The following RREB1 variants were observed in gnomAD, a reference collection of about 807,000 sequenced individuals.
The protein encoded by RREB1 is ras-responsive element-binding protein 1.
A neutral mutation model predicts 117.8 loss-of-function variants in RREB1; 27 were observed. That is an observed-to-expected ratio of 0.23 (90% CI 0.17 to 0.32). The LOEUF (loss-of-function observed/expected upper bound fraction) is 0.32. Among genes scored for constraint, RREB1 ranks in the 10% least tolerant of loss-of-function variants. RREB1 has a pLI of 1.00. For missense variants in RREB1, 2,577 were observed against 2,378.2 expected (o/e 1.08, Z -1.74); for synonymous variants, 1,298 against 1,026.7 (o/e 1.26, Z -5.05).
intron 1 of RREB1, among the ~76,000 whole-genome samples, chr6:7,143,939 C>T (rs1215158417): frequency 4.3e-5 from 6 of 141,132 alleles, no homozygotes; most frequent in Non-Finnish European, 6.1e-5. Flanking sequence ...ACCCAACTTA[C>T]ATTTTTTCAA....
At position 7,230,947 on chromosome 6, in the gene RREB1, T is replaced by G. The variant is rs1246253246; in HGVS notation, c.2848T>G (p.Leu950Val). 1.9e-6 allele frequency: 3 copies of G among 1,614,038 alleles called. No individual in the cohort carries two copies. The highest frequency in any genetic ancestry group is 2.5e-6 in the Non-Finnish European group (3 of 1,179,932). Residue 950 changes from leucine (L) to valine (V), a missense_variant, in exon 10 of 13, where the codon TTG becomes GTG. By Grantham distance (32) the Leu-to-Val change is conservative. Coordinates refer to ENST00000379938, the MANE Select transcript of RREB1 (RefSeq NM_001003699.4). ...GAACTTCAGGAAAGGGGACAAGGAT[T>G]TGGCCACTCCCAGCGAAGCCAAGAA... ...PKNFRKGDKD[L>V]ATPSEAKKPE...
chr6:7,129,967 G>T (rs1269707646), intron 1 of RREB1, among the ~76,000 whole-genome samples: 1 of 152,196 alleles, frequency 6.6e-6, no homozygotes, highest in Admixed American at 6.5e-5. Context: ...GGAGCTACGG[G>T]TCAGTCAGCA....
rs181502332 is a variant in RREB1 at position 7,248,680 on chromosome 6, C to T, written c.4941C>T (p.Ser1647=). The change falls in exon 13 of 13, where the codon AGC becomes AGT. Residue 1647 remains serine, a synonymous_variant. Transcript: ENST00000379938. ...EEDSENESTH[S]GNNAVSENEA... ...ACAGCGAGAATGAGTCCACCCACAGCGGCAACAACGCCGTCTCAGAGAACG... is the reference window on the plus strand; with the variant it reads ...ACAGCGAGAATGAGTCCACCCACAGTGGCAACAACGCCGTCTCAGAGAACG... The T allele has an allele frequency of 1.4e-5, 22 of 1,614,124 alleles. No homozygotes were observed. The highest frequency in any genetic ancestry group is 6.7e-5 in the East Asian group (3 of 44,874).
At chr6:7,170,413 AG>A (rs1316051134) in intron 1 of RREB1, among the ~76,000 whole-genome samples, 1 of 152,052 alleles carries the variant, frequency 6.6e-6, no homozygotes, top group Admixed American at 6.5e-5. Flanking sequence ...AGCAGCAGAG[AG>A]GTGAGGGAGG....
At chr6:7,174,618 T>C (rs1391915335) in intron 1 of RREB1, among the ~76,000 whole-genome samples, 1 of 152,216 alleles carries the variant, frequency 6.6e-6, no homozygotes, top group Non-Finnish European at 1.5e-5. Context: ...TTATTGTATT[T>C]ATTTATTTTT....
At chr6:7,113,788 T>C (rs1761261311) in intron 1 of RREB1, among the ~76,000 whole-genome samples, 1 of 152,236 alleles carries the variant, frequency 6.6e-6, no homozygotes, top group African/African-American at 2.4e-5. Flanking sequence ...TTTGAAGGTA[T>C]AAGGAAATTT....
intron 6 of RREB1, among the ~76,000 whole-genome samples, chr6:7,194,393 T>C (rs1162798631): frequency 6.6e-6 from 1 of 152,058 alleles, no homozygotes; most frequent in Non-Finnish European, 1.5e-5. Context: ...CTACTAAAAA[T>C]ACAAAAAATT....
At chr6:7,145,066 A>G (rs914694296) in intron 1 of RREB1, among the ~76,000 whole-genome samples, 1 of 152,150 alleles carries the variant, frequency 6.6e-6, no homozygotes, top group Non-Finnish European at 1.5e-5. Context: ...CTGTCTTTTT[A>G]TGATTAAAAA....
chr6:7,136,892 A>G (rs1251314757), intron 1 of RREB1, among the ~76,000 whole-genome samples: 1 of 152,250 alleles, frequency 6.6e-6, no homozygotes, highest in African/African-American at 2.4e-5. Context: ...GCATAGGTTC[A>G]TATCCCCCTT....
chr6:7,136,173 A>T (rs1220964364), intron 1 of RREB1, among the ~76,000 whole-genome samples: 1 of 152,232 alleles, frequency 6.6e-6, no homozygotes, highest in Admixed American at 6.5e-5. Context: ...AAGAATTCTA[A>T]AACAATTTTA....
In RREB1 at chr6:7,114,477, G is replaced by GC. The variant is rs1761296221; in HGVS notation, c.-285+6417_-285+6418insC. 1.3e-5 allele frequency among the ~76,000 whole-genome samples: 2 copies of GC among 151,782 alleles called. 1 individual carries two copies. The highest frequency in any genetic ancestry group is 2.9e-5 in the Non-Finnish European group (2 of 67,958). ...TTTTAAGTGTTTCTGGTGGGGGGGG[G>GC]GGCGGCAGCGGGGAGCTGCTACTGG... On this transcript the variant is annotated intron_variant, in intron 1 of 12. Transcript: ENST00000379938.
At chr6:7,160,146 G>T (rs1040825103) in intron 1 of RREB1, among the ~76,000 whole-genome samples, 2 of 151,268 alleles carry the variant, frequency 1.3e-5, no homozygotes, top group African/African-American at 2.4e-5. Context: ...AATGAGACAG[G>T]TTTTCCCTCT....
chr6:7,124,787 T>C (rs1561729461), intron 1 of RREB1, among the ~76,000 whole-genome samples: 1 of 152,190 alleles, frequency 6.6e-6, no homozygotes, highest in Non-Finnish European at 1.5e-5. Flanking sequence ...ATCACAACAA[T>C]TCTCTGACCC....
At chr6:7,149,770 C>T (rs909864649) in intron 1 of RREB1, among the ~76,000 whole-genome samples, 3 of 152,216 alleles carry the variant, frequency 2.0e-5, no homozygotes, top group African/African-American at 7.2e-5. Context: ...TCACTGCAAC[C>T]TGGCGCCTCC....
In RREB1 at chr6:7,230,354, A is replaced by C. The variant is rs768082397; in HGVS notation, c.2255A>C (p.Asp752Ala). 1 of 1,591,506 alleles carries C rather than the reference A, an allele frequency of 6.3e-7. No individual in the cohort carries two copies. Among genetic ancestry groups the C allele is most frequent in the East Asian group, 2.2e-5 (1 of 44,640 alleles). The change falls in exon 10 of 13, where the codon GAC becomes GCC. Residue 752 changes from aspartate to alanine, a missense_variant. Asp to Ala is a moderately radical substitution (Grantham distance 126). Transcript: ENST00000379938. ...CTGGTGGACGCCTTCTGCGCCCCGG[A>C]CACCGTGTGCCGGCTGTGCGGCGAG... ...AELVDAFCAP[D>A]TVCRLCGEDL...
intron 4 of RREB1, among the ~76,000 whole-genome samples, chr6:7,182,565 T>A (rs77826403): frequency 6.6e-6 from 1 of 152,000 alleles, no homozygotes; most frequent in African/African-American, 2.4e-5. Context: ...TGGATTTTCA[T>A]TGGGCATCAG....
chr6:7,185,679 C>T (rs1343708001), intron 4 of RREB1, among the ~76,000 whole-genome samples: 2 of 152,260 alleles, frequency 1.3e-5, no homozygotes, highest in African/African-American at 4.8e-5. Flanking sequence ...TTCATTCCAC[C>T]CGTCTGGTTT....
At chr6:7,224,731 GGC>G (rs1767483282) in intron 8 of RREB1, among the ~76,000 whole-genome samples, 1 of 152,104 alleles carries the variant, frequency 6.6e-6, no homozygotes, top group Non-Finnish European at 1.5e-5. Flanking sequence ...TTGACATCTG[GGC>G]CCGCAGTGTG....
intron 10 of RREB1, among the ~76,000 whole-genome samples, chr6:7,236,887 G>GGTT (rs1164995314): frequency 1.6e-5 from 1 of 63,404 alleles, no homozygotes; most frequent in African/African-American, 6.9e-5. Context: ...GTTTTTGGAG[G>GGTT]TTTTTTTTTT....
Sources: gnomAD v4.1 joint callset for allele counts (sites outside exome capture counted in the v4.1 genomes callset) on GRCh38, gnomAD v4.1.1 for gene constraint, MANE v1.5 for transcripts, NCBI Gene and HGNC (gene_info 2026-07-23, HGNC 2026-07-21) for gene names.